Variants in USP32 observed in about 807,000 individuals in gnomAD.
The protein encoded by USP32 is ubiquitin carboxyl-terminal hydrolase 32.
Under a neutral mutation model 204.8 loss-of-function variants are expected in USP32, and 59 were observed. The observed-to-expected ratio is 0.29, with a 90% CI of 0.23 to 0.36. The LOEUF is 0.36. USP32 is among the 10% of genes least tolerant of loss of function. USP32 has a pLI of 1.00. For synonymous variants in USP32, 517 were observed against 678.4 expected, an observed-to-expected ratio of 0.76 and a Z score of 3.70; for missense variants, 1,160 against 1,946.4, an observed-to-expected ratio of 0.60 and a Z score of 7.60.
chr17:60,404,871 A>G (rs2089963214), intron 1 of USP32, among the ~76,000 whole-genome samples: 1 of 152,150 alleles, frequency 6.6e-6, no homozygotes, highest in South Asian at 2.1e-4. Context: ...TCACTACTAA[A>G]TGTCCCATTT....
intron 1 of USP32, chr17:60,421,095 C>G (rs1353114167): frequency 6.6e-6 from 1 of 152,450 alleles, no homozygotes; most frequent in Non-Finnish European, 1.5e-5. Flanking sequence ...AATCTCACTG[C>G]CAGTAGGAAC....
At chr17:60,187,342 A>G (rs1201298957) in intron 29 of USP32, among the ~76,000 whole-genome samples, 1 of 152,218 alleles carries the variant, frequency 6.6e-6, no homozygotes, top group East Asian at 1.9e-4. Context: ...TTTTTTAGAA[A>G]AGGAAATCTG....
chr17:60,381,221 C>G (rs1296181700), intron 1 of USP32, among the ~76,000 whole-genome samples: 1 of 152,078 alleles, frequency 6.6e-6, no homozygotes, highest in Non-Finnish European at 1.5e-5. Context: ...AGAAGATTGC[C>G]TGAGTTCAGG....
chr17:60,275,528 C>T (rs576477713), intron 5 of USP32, among the ~76,000 whole-genome samples: 24 of 152,200 alleles, frequency 1.6e-4, no homozygotes, highest in African/African-American at 5.8e-4. Flanking sequence ...TACCCCCACA[C>T]CCCTCTTCAG....
At chr17:60,329,057 C>G (rs7221837) in intron 2 of USP32, among the ~76,000 whole-genome samples, 58,029 of 152,106 alleles carry the variant, frequency 0.38, 17,539 homozygotes, top group African/African-American at 0.85. Context: ...ACCAGCCACA[C>G]GTTTCTGGCC....
intron 5 of USP32, among the ~76,000 whole-genome samples, chr17:60,280,454 C>A (rs1380150477): frequency 6.6e-6 from 1 of 152,166 alleles, no homozygotes; most frequent in Non-Finnish European, 1.5e-5. Context: ...TCCACAGTTT[C>A]CTTTGTGATT....
chr17:60,233,640 T>G (rs1363399208), intron 12 of USP32, among the ~76,000 whole-genome samples: 1 of 152,200 alleles, frequency 6.6e-6, no homozygotes, highest in African/African-American at 2.4e-5. Flanking sequence ...TTTTAAAAAA[T>G]CTGTCAGTGT....
At chr17:60,347,196 T>A (rs577062435) in intron 1 of USP32, among the ~76,000 whole-genome samples, 1 of 151,908 alleles carries the variant, frequency 6.6e-6, no homozygotes, top group East Asian at 1.9e-4. Context: ...TTTTTTTTTC[T>A]TTTTTTGAGA....
chr17:60,272,447 A>C (rs1275883405), intron 5 of USP32, among the ~76,000 whole-genome samples: 1 of 152,230 alleles, frequency 6.6e-6, no homozygotes, highest in Non-Finnish European at 1.5e-5. Context: ...GAACTAAAGT[A>C]AAATTTACAA....
At chr17:60,283,976 A>G (rs2087039439) in intron 5 of USP32, among the ~76,000 whole-genome samples, 1 of 152,186 alleles carries the variant, frequency 6.6e-6, no homozygotes. Flanking sequence ...TAAAAGGGGA[A>G]CAGTAAAACT....
upstream of USP32, among the ~76,000 whole-genome samples, chr17:60,396,551 T>A: frequency 6.6e-6 from 1 of 152,196 alleles, no homozygotes; most frequent in Non-Finnish European, 1.5e-5. Flanking sequence ...TGCTGGCTGG[T>A]CACAGTAGCT....
At chr17:60,232,510 G>T (rs1482862960) in intron 12 of USP32, among the ~76,000 whole-genome samples, 2 of 127,036 alleles carry the variant, frequency 1.6e-5, no homozygotes, top group Non-Finnish European at 1.7e-5. Context: ...CAAGGCGTTT[G>T]TCAAAGTGGC....
intron 1 of USP32, among the ~76,000 whole-genome samples, chr17:60,411,498 G>C (rs528003090): frequency 6.7e-6 from 1 of 149,404 alleles, no homozygotes; most frequent in Admixed American, 6.8e-5. Context: ...CGGTGACAAA[G>C]TGAGAGTCTG....
chr17:60,226,070 A>G lies in USP32; in HGVS notation c.1401T>C (p.Thr467=), dbSNP rs765046435. The G allele has an allele frequency of 3.1e-5, 50 of 1,605,390 alleles. No individual in the cohort carries two copies. Among genetic ancestry groups the G allele is most frequent in the Admixed American group, 1.4e-4 (8 of 58,408 alleles). The change falls in exon 13 of 34, where the codon ACT becomes ACC. Residue 467 remains threonine (T), a synonymous_variant. Coordinates refer to ENST00000300896, the MANE Select transcript of USP32 (RefSeq NM_032582.4). ...TEEKFSDNIS[T]ASEASETAGS... The stretch of plus-strand genomic sequence containing the variant: ...CAGCAGTTTCTGAGGCTTCAGATGC[A>G]GTAGAAATGTTGTCTGAAAATTTCT...
chr17:60,374,977 C>T (rs1280379469), intron 1 of USP32, among the ~76,000 whole-genome samples: 3 of 152,190 alleles, frequency 2.0e-5, no homozygotes, highest in African/African-American at 7.2e-5. Flanking sequence ...TAAAACAATA[C>T]TAAACACTAA....
Position 60,181,533 on chromosome 17 carries a change from G to A in USP32, c.4339C>T (p.Arg1447Ter). The A allele has an allele frequency of 1.9e-6, 3 of 1,613,970 alleles. No individual in the cohort carries two copies. The highest frequency in any genetic ancestry group is 2.5e-6 in the Non-Finnish European group (3 of 1,179,870). Residue 1447 changes from arginine to a stop codon, truncating the protein, a stop_gained, in exon 32 of 34, where the codon CGA (arginine) becomes TGA (stop). Transcript: ENST00000300896. LOFTEE classifies it high-confidence loss of function. ...TGGCTGCCCCCCAGCACATGCCCTC[G>A]ACTCAAGGCGTCAGCCAGCTCACAT... ...QICELADALS[R>*]GHVLGGSQPE... is the part of the protein sequence containing the mutation.
intron 1 of USP32, among the ~76,000 whole-genome samples, chr17:60,419,334 A>G (rs2090086880): frequency 6.6e-6 from 1 of 152,214 alleles, no homozygotes; most frequent in African/African-American, 2.4e-5. Context: ...GAACACGTAG[A>G]GGGGAACAAC....
chr17:60,228,962 T>G (rs555790580), intron 12 of USP32, among the ~76,000 whole-genome samples: 253 of 152,122 alleles, frequency 1.7e-3, no homozygotes, highest in Non-Finnish European at 3.0e-3. Flanking sequence ...CCACCTCACC[T>G]GGTTAAATTA....
intron 3 of USP32, among the ~76,000 whole-genome samples, chr17:60,295,240 GA>G (rs111710231): frequency 0.08 from 10,548 of 131,452 alleles, 1,270 homozygotes; most frequent in African/African-American, 0.27. Flanking sequence ...GCAAAACTTC[GA>G]AAAAAAAAAA....
Sources: allele counts gnomAD v4.1 joint callset (sites outside exome capture counted in the v4.1 genomes callset), GRCh38; gene constraint gnomAD v4.1.1; transcripts MANE v1.5; gene names NCBI Gene and HGNC (gene_info 2026-07-23, HGNC 2026-07-21).